Variants in ICE2 observed in about 807,000 individuals in gnomAD.
The protein encoded by ICE2 is interactor of little elongation complex ELL subunit 2, also known as little elongation complex subunit 2.
A neutral mutation model predicts 105.4 loss-of-function variants in ICE2; 87 were observed. The ratio of observed to expected loss-of-function variants is 0.83; its 90% CI spans 0.69 to 0.99. The LOEUF is 0.99. ICE2 is among the 50% of genes least tolerant of loss of function. ICE2 has a pLI of 0.00. For synonymous variants in ICE2, 399 were observed against 392.0 expected, an observed-to-expected ratio of 1.02 and a Z score of -0.21; for missense variants, 1,323 against 1,146.7, an observed-to-expected ratio of 1.15 and a Z score of -2.22.
At chr15:60,441,259 A>G (rs1450422435) in intron 12 of ICE2, 1 of 152,216 alleles carries the variant, frequency 6.6e-6, no homozygotes, top group South Asian at 2.1e-4. Context: ...CAGGCAGTAC[A>G]TCACCAATTA....
At position 60,449,252 on chromosome 15, in the gene ICE2, T is replaced by C. The variant is rs2063900547; in HGVS notation, c.1715A>G (p.Asp572Gly). The C allele has an allele frequency of 6.2e-7, 1 of 1,613,766 alleles. No homozygotes were observed. Among genetic ancestry groups the C allele is most frequent in the Non-Finnish European group, 8.5e-7 (1 of 1,179,980 alleles). ...AATGATTAAACACTCCTCATCTGTA[T>C]CACTGCTGCAGAGAACTGTATCTTC... is the stretch of plus-strand genomic sequence containing the variant. ...KTEDTVLCSS[D>G]TDEECLIIDT... The change falls in exon 10 of 16, where the codon GAT becomes GGT. Residue 572 changes from aspartate to glycine, a missense_variant. Physicochemically the swap from Asp to Gly is moderately conservative, Grantham distance 94 (BLOSUM62 -1). Transcript: ENST00000261520.
intron 13 of ICE2, 37 bp downstream of exon 13, chr15:60,436,106 A>T: frequency 1.2e-6 from 1 of 851,062 alleles, no homozygotes; most frequent in Non-Finnish European, 1.8e-6. Context: ...CACATTAACA[A>T]ATTTTTCAAT....
chr15:60,423,608 A>C lies in ICE2; in HGVS notation c.*26T>G, dbSNP rs538819271. 2.5e-6 allele frequency: 4 copies of C among 1,578,520 alleles called. No homozygotes were observed. Among genetic ancestry groups the C allele is most frequent in the Admixed American group, 3.7e-5 (2 of 53,464 alleles). On this transcript the variant is annotated 3_prime_UTR_variant, in exon 16 of 16. Transcript: ENST00000261520. ...TAAACACTGTTATAACTGTTTTTTT[A>C]AATTTAGTTTTCCATGGTACAGTCC...
chr15:60,460,984 T>C (rs2064261412), intron 5 of ICE2, among the ~76,000 whole-genome samples: 1 of 151,924 alleles, frequency 6.6e-6, no homozygotes, highest in Non-Finnish European at 1.5e-5. Context: ...GCGGGGGACA[T>C]CACTCACATG....
chr15:60,479,046 C>T lies in ICE2; in HGVS notation c.-136G>A, dbSNP rs1008522234. On this transcript the variant is annotated 5_prime_UTR_variant, in exon 1 of 16. Transcript: ENST00000261520. ...TCTTGCCCAGGCCGCAGCCACACAC[C>T]ACACACGCTCCACCCCACTCCTCAC... The T allele has an allele frequency of 3.5e-5, 16 of 455,784 alleles. No homozygotes were observed. Among genetic ancestry groups the T allele is most frequent in the Non-Finnish European group, 6.6e-5 (15 of 226,684 alleles). 28.2% of individuals were successfully genotyped at this position (455,784 alleles called of 1,614,324 possible). A position where few individuals can be genotyped will look rare whatever the true frequency, so the allele number is the denominator to read the frequency against.
intron 8 of ICE2, chr15:60,454,719 G>A (rs2064053949): frequency 3.5e-6 from 1 of 284,212 alleles, no homozygotes; most frequent in Non-Finnish European, 6.5e-6. Flanking sequence ...TTAAGTTCGG[G>A]GATACATGTG....
chr15:60,444,241 T>A (rs929957409), intron 11 of ICE2, among the ~76,000 whole-genome samples: 3 of 152,134 alleles, frequency 2.0e-5, no homozygotes, highest in African/African-American at 7.2e-5. Context: ...TTAAAAAAAA[T>A]TTTAAATATG....
At chr15:60,457,243 T>C (rs1328470933) in intron 5 of ICE2, among the ~76,000 whole-genome samples, 3 of 152,170 alleles carry the variant, frequency 2.0e-5, no homozygotes, top group Admixed American at 6.5e-5. Context: ...TTATAACTAA[T>C]CCAAATGATG....
rs2063233384 is a variant in ICE2, at chr15:60,420,578, AG to A, written c.*3055del. Reference sequence around the variant, plus strand: ...CACAGTGTTTCTGTCCCTATCCTGCAGTTTTCTCTCTCATCTCCCATGTTCA... The same window carrying A: ...CACAGTGTTTCTGTCCCTATCCTGCATTTTCTCTCTCATCTCCCATGTTCA... On this transcript the variant is annotated 3_prime_UTR_variant, in exon 16 of 16. Transcript: ENST00000261520. The A allele has an allele frequency of 6.6e-6, 1 of 152,228 alleles. No individual in the cohort carries two copies. The highest frequency in any genetic ancestry group is 2.4e-5 in the African/African-American group (1 of 41,452). 9.4% of individuals were successfully genotyped at this position (152,228 alleles called of 1,614,324 possible).
Position 60,449,337 on chromosome 15 carries a change from C to T in ICE2, c.1630G>A (p.Val544Ile), listed in dbSNP as rs889927177. 3 of 1,613,096 alleles carry T rather than the reference C, an allele frequency of 1.9e-6. No homozygotes were observed. Among genetic ancestry groups the T allele is most frequent in the East Asian group, 2.2e-5 (1 of 44,892 alleles). The stretch of plus-strand genomic sequence containing the variant: ...TTTGAGTTGTCTAGGTTTTCTAGAA[C>T]ATTAGGTCTTTCACCATCAGCATGT... Reference protein sequence around the residue: ...ILHADGERPNVLENLDNSKEK... With the variant: ...ILHADGERPNILENLDNSKEK... The change falls in exon 10 of 16, where the codon GTT (valine) becomes ATT (isoleucine). Residue 544 changes from valine to isoleucine, a missense_variant. Val to Ile is a conservative substitution (Grantham distance 29). Transcript: ENST00000261520.
chr15:60,426,864 C>G (rs1220632279), intron 15 of ICE2, among the ~76,000 whole-genome samples: 1 of 152,144 alleles, frequency 6.6e-6, no homozygotes, highest in African/African-American at 2.4e-5. Context: ...AAACACAGAT[C>G]CTTCAAAAAT....
At chr15:60,473,228 G>A (rs1418055153) in intron 3 of ICE2, among the ~76,000 whole-genome samples, 1 of 151,890 alleles carries the variant, frequency 6.6e-6, no homozygotes, top group East Asian at 1.9e-4. Context: ...ATAGGCATGA[G>A]CTGCTGTGCC....
Position 60,419,956 on chromosome 15 carries a change from C to A in ICE2, c.*3678G>T, listed in dbSNP as rs537620812. On this transcript the variant is annotated 3_prime_UTR_variant, in exon 16 of 16. Coordinates refer to ENST00000261520, the MANE Select transcript of ICE2 (RefSeq NM_024611.6). ...GCTTAAGTGTGGGCTTAGCGACTTA[C>A]TAATCCTTCAGATGACTGCAGCCCT... 2 of 152,350 alleles carry A rather than the reference C, an allele frequency of 1.3e-5. No individual in the cohort carries two copies. Among genetic ancestry groups the A allele is most frequent in the South Asian group, 2.1e-4 (1 of 4,828 alleles). 9.4% of individuals were successfully genotyped at this position (152,350 alleles called of 1,614,324 possible). A position where few individuals can be genotyped will look rare whatever the true frequency, so the allele number is the denominator to read the frequency against.
chr15:60,460,742 T>A (rs186731976), intron 5 of ICE2, among the ~76,000 whole-genome samples: 1 of 152,260 alleles, frequency 6.6e-6, no homozygotes, highest in Admixed American at 6.5e-5. Context: ...CAAATGTCCA[T>A]TAGGAGGCAA....
chr15:60,428,418 A>G lies in ICE2; in HGVS notation c.2820+11T>C. 6.2e-7 allele frequency: 1 copy of G among 1,606,166 alleles called. No homozygotes were observed. Among genetic ancestry groups the G allele is most frequent in the Non-Finnish European group, 8.5e-7 (1 of 1,175,024 alleles). On this transcript the variant is annotated intron_variant, in intron 15 of 15. Transcript: ENST00000261520. ...AACCTAATGAACCTTTAATTTCAAA[A>G]AAGATCTTACCTTTTGTTGTGTTGT...
Position 60,420,151 on chromosome 15 carries a change from T to TG in ICE2, c.*3482_*3483insC, listed in dbSNP as rs1555405927. The TG allele has an allele frequency of 4.0e-5, 6 of 149,320 alleles. No individual in the cohort carries two copies. The highest frequency in any genetic ancestry group is 8.9e-5 in the Non-Finnish European group (6 of 67,144). The allele number at this position is 149,320 out of a possible 1,614,324, so 9.2% of individuals were successfully genotyped here. A position where few individuals can be genotyped will look rare whatever the true frequency, so the allele number is the denominator to read the frequency against. ...CCTAGAATCCAAAAGTAGAAATGACTAAAAAAAAAAATGAACATTTTAAAT... is the reference window on the plus strand; with the variant it reads ...CCTAGAATCCAAAAGTAGAAATGACTGAAAAAAAAAAATGAACATTTTAAAT... On this transcript the variant is annotated 3_prime_UTR_variant, in exon 16 of 16. Coordinates refer to ENST00000261520, the MANE Select transcript of ICE2 (RefSeq NM_024611.6).
In ICE2 at chr15:60,454,316, A is replaced by G. The variant is rs549018596; in HGVS notation, c.944-532T>C. On this transcript the variant is annotated intron_variant, in intron 8 of 15. Coordinates refer to ENST00000261520, the MANE Select transcript of ICE2 (RefSeq NM_024611.6). ...AAAGACTACCCTATTGCTTATATGTATAGACTTACTGTTATTCCAAATTCC... is the reference window on the plus strand; with the variant it reads ...AAAGACTACCCTATTGCTTATATGTGTAGACTTACTGTTATTCCAAATTCC... 9.9e-5 allele frequency among the ~76,000 whole-genome samples: 15 copies of G among 152,214 alleles called. 1 individual carries two copies. The South Asian group carries it at 2.9e-3, about 29-fold the overall frequency.
intron 5 of ICE2, among the ~76,000 whole-genome samples, chr15:60,460,916 A>G (rs1278354406): frequency 6.6e-6 from 1 of 152,216 alleles, no homozygotes; most frequent in Non-Finnish European, 1.5e-5. Context: ...TAAGCCCTTT[A>G]GATTAGGGTT....
In ICE2 at chr15:60,453,764, T is replaced by C. The variant is rs1015846739; in HGVS notation, c.964A>G (p.Ile322Val). 6.3e-7 allele frequency: 1 copy of C among 1,577,602 alleles called. No individual in the cohort carries two copies. Among genetic ancestry groups the C allele is most frequent in the Non-Finnish European group, 8.7e-7 (1 of 1,147,414 alleles). ...TGGGGAAGTGGTGAATTAATATATA[T>C]TACTTTAACTGGTTTTGAACCTTAA... is the stretch of plus-strand genomic sequence containing the variant. ...PVAGSKPVKVIYINSPLPQKK... is the reference protein window; with the variant it reads ...PVAGSKPVKVVYINSPLPQKK... The change falls in exon 9 of 16, where the codon ATA becomes GTA. Residue 322 changes from isoleucine (I) to valine (V), a missense_variant. Coordinates refer to ENST00000261520, the MANE Select transcript of ICE2 (RefSeq NM_024611.6).
Sources: allele counts gnomAD v4.1 joint callset (sites outside exome capture counted in the v4.1 genomes callset), GRCh38; gene constraint gnomAD v4.1.1; transcripts MANE v1.5; gene names NCBI Gene and HGNC (gene_info 2026-07-23, HGNC 2026-07-21).